EPCAM: variants seen among roughly 807,000 people sequenced by gnomAD.
The protein encoded by EPCAM is epithelial cell adhesion molecule.
Under a neutral mutation model 40.0 loss-of-function variants are expected in EPCAM, and 39 were observed. The ratio of observed to expected loss-of-function variants is 0.98; its 90% CI spans 0.76 to 1.27. The LOEUF (loss-of-function observed/expected upper bound fraction) is 1.27. Ranked by LOEUF, EPCAM falls within the 50% of genes most tolerant of loss-of-function variation. EPCAM has a pLI of 0.00. For synonymous variants in EPCAM, 168 were observed against 132.3 expected, an observed-to-expected ratio of 1.27 and a Z score of -1.85; for missense variants, 503 against 381.2, an observed-to-expected ratio of 1.32 and a Z score of -2.66.
chr2:47,382,764 T>C (rs577429431), intron 7 of EPCAM, among the ~76,000 whole-genome samples: 62 of 152,302 alleles, frequency 4.1e-4, no homozygotes, highest in African/African-American at 1.4e-3. Flanking sequence ...GTAAATTATG[T>C]TTATTGTATC....
intron 1 of EPCAM, among the ~76,000 whole-genome samples, chr2:47,370,088 C>G (rs960261536): frequency 5.3e-5 from 8 of 152,232 alleles, no homozygotes; most frequent in African/African-American, 1.9e-4. Flanking sequence ...TGCACCTGCG[C>G]GCGGCAGGCG....
Position 47,380,091 on chromosome 2 carries a change from G to A in EPCAM, c.858+122G>A, listed in dbSNP as rs1294917717. 1.4e-5 allele frequency: 21 copies of A among 1,493,896 alleles called. No individual in the cohort carries two copies. The Admixed American group carries it at 4.0e-4, about 28-fold the overall frequency. 92.5% of individuals were successfully genotyped at this position (1,493,896 alleles called of 1,614,324 possible). A position where few individuals can be genotyped will look rare whatever the true frequency, so the allele number is the denominator to read the frequency against. ...TACACTTTGGGAGGCTGAGACAGGT[G>A]GATCACTTGAGCCCAGGAGTTTGAG... On this transcript the variant is annotated intron_variant, in intron 7 of 8. Coordinates refer to ENST00000263735, the MANE Select transcript of EPCAM (RefSeq NM_002354.3).
intron 5 of EPCAM, 79 bp downstream of exon 5, chr2:47,377,156 T>C (rs1671449085): frequency 1.0e-6 from 1 of 955,394 alleles, no homozygotes; most frequent in Non-Finnish European, 1.7e-6. Flanking sequence ...GCCAGTGATT[T>C]AAGTGGTGGT....
At position 47,379,985 on chromosome 2, in the gene EPCAM, G is replaced by A; in HGVS notation, c.858+16G>A. 6.3e-7 allele frequency: 1 copy of A among 1,599,228 alleles called. No individual in the cohort carries two copies. The highest frequency in any genetic ancestry group is 8.5e-7 in the Non-Finnish European group (1 of 1,171,874). On this transcript the variant is annotated intron_variant, in intron 7 of 8. Coordinates refer to ENST00000263735, the MANE Select transcript of EPCAM (RefSeq NM_002354.3). ...TGTTGTGCTGGTGAGTACAGAACAA[G>A]TAAAATTTCATTTAAGGGTATATTT...
intron 7 of EPCAM, among the ~76,000 whole-genome samples, chr2:47,381,392 C>CAAAAAA (rs370875469): frequency 6.7e-5 from 5 of 74,332 alleles, no homozygotes; most frequent in Non-Finnish European, 1.4e-4. Context: ...AACTCCGTCT[C>CAAAAAA]AAAAAAAAAA....
At chr2:47,374,156 T>G in intron 3 of EPCAM, 108 bp downstream of exon 3, 1 of 1,353,884 alleles carries the variant, frequency 7.4e-7, no homozygotes, top group Non-Finnish European at 1.0e-6. Context: ...TCAGAAGATA[T>G]GAGTGTCCAG....
chr2:47,369,996 C>G (rs1671207596), intron 1 of EPCAM, among the ~76,000 whole-genome samples: 7 of 152,312 alleles, frequency 4.6e-5, no homozygotes, highest in Admixed American at 4.6e-4. Flanking sequence ...GACCAGCGGG[C>G]TCGCCCTTGT....
chr2:47,378,111 G>A (rs1344257959), intron 5 of EPCAM, among the ~76,000 whole-genome samples: 2 of 151,868 alleles, frequency 1.3e-5, no homozygotes, highest in African/African-American at 4.8e-5. Context: ...GGCACCTGTA[G>A]TCCCAGCTAC....
Position 47,377,067 on chromosome 2 carries a change from C to T in EPCAM, c.545C>T (p.Thr182Met), listed in dbSNP as rs1244875384. The T allele has an allele frequency of 4.4e-6, 7 of 1,601,696 alleles. No individual in the cohort carries two copies. Among genetic ancestry groups the T allele is most frequent in the Admixed American group, 1.7e-5 (1 of 59,946 alleles). ...TRYQLDPKFI[T>M]SILYENNVIT... is the part of the protein sequence containing the mutation. ...TATCAACTGGATCCAAAATTTATCA[C>T]GAGTATTTTGGTATGATTTTTTAAT... The change falls in exon 5 of 9, where the codon ACG (threonine) becomes ATG (methionine). Residue 182 changes from threonine to methionine, a missense_variant. By Grantham distance (81) the Thr-to-Met change is moderately conservative. Transcript: ENST00000263735.
chr2:47,373,245 A>C (rs540213935), intron 1 of EPCAM, among the ~76,000 whole-genome samples: 2 of 147,778 alleles, frequency 1.4e-5, no homozygotes, highest in South Asian at 2.1e-4. Flanking sequence ...ACAGGAATGC[A>C]TGCAGATTAA....
In EPCAM at chr2:47,377,522, C is replaced by T. The variant is rs182169428; in HGVS notation, c.555+445C>T. ...AAAGTGTTGGGATTACAGGTGTGAGCCACCACGCCCGGCCCATTGTTTTTG... is the reference window on the plus strand; with the variant it reads ...AAAGTGTTGGGATTACAGGTGTGAGTCACCACGCCCGGCCCATTGTTTTTG... On this transcript the variant is annotated intron_variant, in intron 5 of 8. Coordinates refer to ENST00000263735, the MANE Select transcript of EPCAM (RefSeq NM_002354.3). Among the ~76,000 whole-genome samples, 416 of 152,116 alleles carry T rather than the reference C, an allele frequency of 2.7e-3. 1 individual carries two copies. The highest frequency in any genetic ancestry group is 3.9e-3 in the Non-Finnish European group (266 of 68,000).
chr2:47,369,471 C>T lies in EPCAM; in HGVS notation c.-35C>T. The T allele has an allele frequency of 6.8e-7, 1 of 1,473,510 alleles. No homozygotes were observed. The highest frequency in any genetic ancestry group is 8.9e-7 in the Non-Finnish European group (1 of 1,119,082). The allele number at this position is 1,473,510 out of a possible 1,614,324, so 91.3% of individuals were successfully genotyped here. A position where few individuals can be genotyped will look rare whatever the true frequency, so the allele number is the denominator to read the frequency against. ...GCACGCCCTCCCGCGAGTCCCGGGC[C>T]CCTCCCGCGCCCCTCTTCTCGGCGC... is the stretch of plus-strand genomic sequence containing the variant. On this transcript the variant is annotated 5_prime_UTR_variant, in exon 1 of 9. Coordinates refer to ENST00000263735, the MANE Select transcript of EPCAM (RefSeq NM_002354.3).
rs765501069 is a variant in EPCAM, at chr2:47,373,559, T to G, written c.173T>G (p.Ile58Ser). The change falls in exon 2 of 9, where the codon ATT (isoleucine) becomes AGT (serine). Residue 58 changes from isoleucine (I) to serine (S), a missense_variant. Transcript: ENST00000263735. The part of the protein sequence containing the change: ...CTSVGAQNTV[I>S]CSKLAAKCLV... ...TCAGTTGGTGCACAAAATACTGTCA[T>G]TTGCTCAAAGCGTGAGTAAAATATC... 3 of 1,610,918 alleles carry G rather than the reference T, an allele frequency of 1.9e-6. No homozygotes were observed. Among genetic ancestry groups the G allele is most frequent in the Admixed American group, 1.7e-5 (1 of 59,972 alleles).
intron 4 of EPCAM, among the ~76,000 whole-genome samples, chr2:47,376,715 A>G (rs1000921673): frequency 6.6e-6 from 1 of 152,154 alleles, no homozygotes; most frequent in Non-Finnish European, 1.5e-5. Flanking sequence ...AGTGGTATCC[A>G]CCAGGTTTTT....
At chr2:47,383,074 A>G (rs951888184) in intron 7 of EPCAM, 12 of 151,956 alleles carry the variant, frequency 7.9e-5, no homozygotes, top group African/African-American at 2.9e-4. Context: ...TGGGAGGCCA[A>G]GGCAGCTGGG....
chr2:47,378,600 C>G (rs769201628), intron 5 of EPCAM, among the ~76,000 whole-genome samples: 1 of 152,168 alleles, frequency 6.6e-6, no homozygotes, highest in Admixed American at 6.5e-5. Flanking sequence ...CTGCACCCGG[C>G]CTTACCTTTC....
intron 5 of EPCAM, among the ~76,000 whole-genome samples, chr2:47,378,102 G>A (rs550183141): frequency 1.3e-5 from 2 of 152,012 alleles, no homozygotes; most frequent in Admixed American, 6.5e-5. Context: ...GTGGTGGTGG[G>A]CACCTGTAGT....
chr2:47,385,932 C>G (rs1186154640), intron 8 of EPCAM, among the ~76,000 whole-genome samples: 1 of 152,116 alleles, frequency 6.6e-6, no homozygotes, highest in Non-Finnish European at 1.5e-5. Flanking sequence ...TGAATGGTAA[C>G]AGACAGGCAG....
At chr2:47,377,573 C>G (rs113538544) in intron 5 of EPCAM, 137 of 250,322 alleles carry the variant, frequency 5.5e-4, no homozygotes, top group African/African-American at 3.0e-3. Flanking sequence ...CTTCCATAGC[C>G]TTTGAAAAGC....
Sources: gnomAD v4.1 joint callset for allele counts (sites outside exome capture counted in the v4.1 genomes callset) on GRCh38, gnomAD v4.1.1 for gene constraint, MANE v1.5 for transcripts, NCBI Gene and HGNC (gene_info 2026-07-23, HGNC 2026-07-21) for gene names.